The following RAPGEF5 variants were observed in gnomAD, a reference collection of about 807,000 sequenced individuals.
The protein encoded by RAPGEF5 is Rap guanine nucleotide exchange factor 5.
Under a neutral mutation model 125.2 loss-of-function variants are expected in RAPGEF5, and 65 were observed. The observed-to-expected ratio is 0.52, with a 90% CI of 0.43 to 0.64. The LOEUF is 0.64. Ranked by LOEUF, RAPGEF5 falls within the 30% of genes least tolerant of loss-of-function variation. RAPGEF5 has a pLI of 0.00. For missense variants in RAPGEF5, 958 were observed against 1,048.1 expected (o/e 0.91, Z 1.19); for synonymous variants, 391 against 385.9 (o/e 1.01, Z -0.16).
At chr7:22,129,177 G>A (rs1583386455) in intron 24 of RAPGEF5, among the ~76,000 whole-genome samples, 1 of 151,494 alleles carries the variant, frequency 6.6e-6, no homozygotes, top group Non-Finnish European at 1.5e-5. Context: ...TTATTATCTT[G>A]TCACTTTGGT....
Position 22,219,997 on chromosome 7 carries a change from G to A in RAPGEF5, c.871-6C>T, listed in dbSNP as rs1013368070. On this transcript the variant is annotated splice_region_variant and splice_polypyrimidine_tract_variant and intron_variant, in intron 8 of 25. Transcript: ENST00000665637. ...AGCTTGCACATCACCCCTGCCTTAAGAGTTGGAGAAAAAGCGAAGATATAC... is the reference window on the plus strand; with the variant it reads ...AGCTTGCACATCACCCCTGCCTTAAAAGTTGGAGAAAAAGCGAAGATATAC... 5.0e-6 allele frequency: 8 copies of A among 1,613,056 alleles called. No homozygotes were observed. Among genetic ancestry groups the A allele is most frequent in the African/African-American group, 4.0e-5 (3 of 74,870 alleles).
intron 22 of RAPGEF5, among the ~76,000 whole-genome samples, chr7:22,136,581 A>G (rs1783084801): frequency 6.6e-6 from 1 of 152,112 alleles, no homozygotes; most frequent in Non-Finnish European, 1.5e-5. Flanking sequence ...TCAATCTAAG[A>G]AATTGTAAAA....
chr7:22,162,217 TTTTAGA>T (rs1296410972), intron 13 of RAPGEF5, among the ~76,000 whole-genome samples, 174 bp downstream of exon 13: 1 of 266 alleles, frequency 3.8e-3, no homozygotes, highest in African/African-American at 8.5e-3. Context: ...TTCCATGACT[TTTTAGA>T]TAGAGAATAT....
intron 15 of RAPGEF5, among the ~76,000 whole-genome samples, chr7:22,157,425 T>C (rs895170847): frequency 2.0e-5 from 3 of 152,208 alleles, no homozygotes; most frequent in Non-Finnish European, 4.4e-5. Context: ...CCTCATCAAA[T>C]TGGACTGAGA....
At chr7:22,134,096 A>C (rs895635029) in intron 23 of RAPGEF5, among the ~76,000 whole-genome samples, 3 of 152,230 alleles carry the variant, frequency 2.0e-5, no homozygotes, top group Non-Finnish European at 4.4e-5. Context: ...TTGTTCTAAA[A>C]TAGTTCATTG....
intron 11 of RAPGEF5, among the ~76,000 whole-genome samples, chr7:22,187,783 T>C (rs962113343): frequency 6.6e-5 from 10 of 152,234 alleles, no homozygotes; most frequent in African/African-American, 2.4e-4. Context: ...ACGTTGTTCC[T>C]AACTCTCTGT....
chr7:22,173,676 C>T (rs184569218), intron 11 of RAPGEF5, among the ~76,000 whole-genome samples: 2 of 152,220 alleles, frequency 1.3e-5, no homozygotes, highest in East Asian at 1.9e-4. Context: ...ACAGGTATTC[C>T]GTTCTTAGCT....
intron 1 of RAPGEF5, among the ~76,000 whole-genome samples, chr7:22,346,763 T>C (rs965667866): frequency 6.6e-5 from 10 of 152,232 alleles, no homozygotes; most frequent in South Asian, 2.1e-4. Flanking sequence ...TTCAGAATTG[T>C]AACTTTAGTA....
intron 9 of RAPGEF5, among the ~76,000 whole-genome samples, chr7:22,197,899 G>GGC (rs1562757127): frequency 1.4e-5 from 2 of 146,740 alleles, no homozygotes; most frequent in East Asian, 2.0e-4. Context: ...TTTTTGGGGG[G>GGC]GGGTGGTAGG....
intron 18 of RAPGEF5, among the ~76,000 whole-genome samples, chr7:22,147,523 G>A (rs1783483535): frequency 6.6e-6 from 1 of 152,124 alleles, no homozygotes; most frequent in African/African-American, 2.4e-5. Flanking sequence ...CCCATAGAAA[G>A]TAAAAAAGTT....
intron 1 of RAPGEF5, among the ~76,000 whole-genome samples, chr7:22,342,082 T>C (rs535756902): frequency 3.9e-5 from 6 of 152,328 alleles, no homozygotes; most frequent in African/African-American, 1.4e-4. Flanking sequence ...ACCTCTGCCA[T>C]TTCCATACAT....
At chr7:22,261,465 A>G (rs1157296829) in intron 7 of RAPGEF5, among the ~76,000 whole-genome samples, 2 of 152,112 alleles carry the variant, frequency 1.3e-5, no homozygotes, top group Non-Finnish European at 2.9e-5. Context: ...AAAATTAGGT[A>G]GGTGTGGTGG....
intron 3 of RAPGEF5, among the ~76,000 whole-genome samples, chr7:22,311,490 A>G (rs939226901): frequency 2.0e-5 from 3 of 152,180 alleles, no homozygotes; most frequent in Non-Finnish European, 4.4e-5. Flanking sequence ...AACCAACAAT[A>G]TGAACTGCCA....
intron 7 of RAPGEF5, among the ~76,000 whole-genome samples, chr7:22,266,346 T>C (rs1782282038): frequency 6.6e-6 from 1 of 152,200 alleles, no homozygotes. Flanking sequence ...AGCATTTTTC[T>C]ACTTCAGTGA....
rs1786037320 is a variant in RAPGEF5 at position 22,230,806 on chromosome 7, A to C, written c.870+40T>G. Reference sequence around the variant, plus strand: ...TGCACTGTCTCACCACCCTCAACACAGAAGGGTATGATGAGGGGCTGTCAC... The same window carrying C: ...TGCACTGTCTCACCACCCTCAACACCGAAGGGTATGATGAGGGGCTGTCAC... On this transcript the variant is annotated intron_variant, in intron 8 of 25. Coordinates refer to ENST00000665637, the MANE Select transcript of RAPGEF5 (RefSeq NM_012294.5). 2.0e-6 allele frequency: 3 copies of C among 1,517,836 alleles called. No individual in the cohort carries two copies. In the East Asian group the frequency reaches 7.2e-5, roughly 36 times the overall value. 94.0% of individuals were successfully genotyped at this position (1,517,836 alleles called of 1,614,324 possible). A position where few individuals can be genotyped will look rare whatever the true frequency, so the allele number is the denominator to read the frequency against.
intron 16 of RAPGEF5, 78 bp from the exon 17 acceptor site, chr7:22,154,682 T>C (rs1217550213): frequency 1.3e-6 from 2 of 1,506,302 alleles, no homozygotes; most frequent in East Asian, 2.3e-5. Context: ...CAAGGCACCT[T>C]GATCAACTTT....
chr7:22,237,967 C>T (rs934943321), intron 7 of RAPGEF5, among the ~76,000 whole-genome samples: 7 of 152,212 alleles, frequency 4.6e-5, no homozygotes, highest in East Asian at 3.9e-4. Context: ...CAGGAAAATG[C>T]GGATTCTGAT....
chr7:22,145,236 T>G lies in RAPGEF5; in HGVS notation c.2008-14A>C. 1 of 1,599,050 alleles carries G rather than the reference T, an allele frequency of 6.3e-7. No individual in the cohort carries two copies. The highest frequency in any genetic ancestry group is 8.5e-7 in the Non-Finnish European group (1 of 1,171,124). On this transcript the variant is annotated splice_polypyrimidine_tract_variant and intron_variant, in intron 19 of 25. Transcript: ENST00000665637. ...GATCAGCTCTTGCTGAAAGAAAATG[T>G]ATTCATGCCAGGGTTTATTTATAGC...
chr7:22,318,496 C>A (rs980723270), intron 1 of RAPGEF5, among the ~76,000 whole-genome samples: 9 of 152,172 alleles, frequency 5.9e-5, no homozygotes, highest in African/African-American at 9.7e-5. Flanking sequence ...CCCTAAATCA[C>A]CCCTTTGACT....
Sources: gnomAD v4.1 joint callset for allele counts (sites outside exome capture counted in the v4.1 genomes callset) on GRCh38, gnomAD v4.1.1 for gene constraint, MANE v1.5 for transcripts, NCBI Gene and HGNC (gene_info 2026-07-23, HGNC 2026-07-21) for gene names.